DLGAP5: variants seen among roughly 807,000 people sequenced by gnomAD.
DLGAP5 encodes DLG associated protein 5, also known as disks large-associated protein 5.
In DLGAP5, 90 loss-of-function variants were observed where a neutral mutation model predicts 99.6. That is an observed-to-expected ratio of 0.90 (90% confidence interval 0.76 to 1.08). DLGAP5 has a LOEUF of 1.08. Ranked by LOEUF, DLGAP5 falls within the 50% of genes least tolerant of loss-of-function variation. The pLI is 0.00. For synonymous variants in DLGAP5, 311 were observed against 321.3 expected, an observed-to-expected ratio of 0.97 and a Z score of 0.34; for missense variants, 1,036 against 983.5, an observed-to-expected ratio of 1.05 and a Z score of -0.71.
intron 1 of DLGAP5, among the ~76,000 whole-genome samples, chr14:55,190,657 A>C (rs1883582726): frequency 6.6e-6 from 1 of 152,238 alleles, no homozygotes; most frequent in Non-Finnish European, 1.5e-5. Flanking sequence ...AAAAATTGGC[A>C]CAAGTAATGC....
intron 10 of DLGAP5, among the ~76,000 whole-genome samples, chr14:55,171,786 A>G (rs1882868965): frequency 6.6e-6 from 1 of 152,224 alleles, no homozygotes; most frequent in Non-Finnish European, 1.5e-5. Flanking sequence ...ATTCGGCCTT[A>G]AAAAGGAAAG....
At chr14:55,165,278 G>A (rs754711635) in intron 12 of DLGAP5, among the ~76,000 whole-genome samples, 35 of 152,224 alleles carry the variant, frequency 2.3e-4, no homozygotes, top group Non-Finnish European at 4.0e-4. Flanking sequence ...CTAGCATTTT[G>A]GGAGGCTGAG....
chr14:55,153,389 A>G (rs1007851907), intron 15 of DLGAP5, among the ~76,000 whole-genome samples: 1 of 151,946 alleles, frequency 6.6e-6, no homozygotes, highest in Non-Finnish European at 1.5e-5. Context: ...AAAATACAAA[A>G]AATTAGCTGG....
intron 12 of DLGAP5, among the ~76,000 whole-genome samples, chr14:55,164,350 C>A (rs773807954): frequency 4.0e-4 from 61 of 152,078 alleles, no homozygotes; most frequent in Non-Finnish European, 6.9e-4. Flanking sequence ...GAATTACACT[C>A]ATGACCAACT....
chr14:55,164,542 T>C (rs956880322), intron 12 of DLGAP5, among the ~76,000 whole-genome samples: 10 of 151,994 alleles, frequency 6.6e-5, no homozygotes, highest in Admixed American at 6.6e-4. Flanking sequence ...ACCGTAAGAC[T>C]GTTAGGAGAA....
Position 55,189,073 on chromosome 14 carries a change from T to A in DLGAP5, c.107A>T (p.His36Leu), listed in dbSNP as rs1321300603. ...RKSLSQKENR[H>L]KEYERNRHFG... ...GTGTCTATTTCGTTCGTATTCCTTA[T>A]GTCTATTTTCTTTCTGAGACAGTGA... The change falls in exon 2 of 19, where the codon CAT becomes CTT. Residue 36 changes from histidine (H) to leucine (L), a missense_variant. His to Leu is a moderately conservative substitution (Grantham distance 99). Coordinates refer to ENST00000247191, the MANE Select transcript of DLGAP5 (RefSeq NM_014750.5). 6.2e-7 allele frequency: 1 copy of A among 1,614,032 alleles called. No homozygotes were observed. The highest frequency in any genetic ancestry group is 8.5e-7 in the Non-Finnish European group (1 of 1,179,964).
intron 10 of DLGAP5, among the ~76,000 whole-genome samples, chr14:55,172,461 T>C (rs1057324344): frequency 1.1e-5 from 1 of 87,144 alleles, no homozygotes; most frequent in Non-Finnish European, 3.2e-5. Context: ...TAGTACAAAA[T>C]TCTTTATTTT....
intron 6 of DLGAP5, 39 bp from the exon 7 acceptor site, chr14:55,179,738 A>G (rs867943949): frequency 6.6e-7 from 1 of 1,524,412 alleles, no homozygotes; most frequent in Admixed American, 1.8e-5. Context: ...CTAGATAGAA[A>G]TGCTACATGA....
chr14:55,170,875 G>T, intron 10 of DLGAP5, 88 bp from the exon 11 acceptor site: 1 of 920,474 alleles, frequency 1.1e-6, no homozygotes, highest in Non-Finnish European at 1.7e-6. Context: ...CATAACATTA[G>T]GAAGTTATAA....
rs774806926 is a variant in DLGAP5, at chr14:55,183,739, T to G, written c.253A>C (p.Ile85Leu). 67 of 1,593,854 alleles carry G rather than the reference T, an allele frequency of 4.2e-5. 1 individual carries two copies. Among genetic ancestry groups the G allele is most frequent in the Non-Finnish European group, 5.6e-5 (66 of 1,171,790 alleles). ...TNVKPRAMKT[I>L]LGDQRKQMLQ... ...ATCTGTTTTCGTTGATCACCTAGAA[T>G]AGTTTTCATTGCCCCTAGGCAGAAA... is the stretch of plus-strand genomic sequence containing the variant. Residue 85 changes from isoleucine (I) to leucine (L), a missense_variant, in exon 3 of 19, where the codon ATT (isoleucine) becomes CTT (leucine). By Grantham distance (5) the Ile-to-Leu change is conservative. Coordinates refer to ENST00000247191, the MANE Select transcript of DLGAP5 (RefSeq NM_014750.5).
At chr14:55,176,119 G>T (rs1317471360) in intron 8 of DLGAP5, 101 bp from the exon 9 acceptor site, 1 of 1,060,456 alleles carries the variant, frequency 9.4e-7, no homozygotes, top group East Asian at 2.5e-5. Context: ...GGCTAAAATA[G>T]AAATGTTTCT....
intron 15 of DLGAP5, among the ~76,000 whole-genome samples, chr14:55,153,861 T>G (rs1276901293): frequency 6.6e-6 from 1 of 152,096 alleles, no homozygotes; most frequent in East Asian, 1.9e-4. Context: ...ATCAAGACCA[T>G]CCTGGCCAAC....
intron 14 of DLGAP5, among the ~76,000 whole-genome samples, chr14:55,155,814 C>T (rs895579741): frequency 1.4e-4 from 21 of 151,754 alleles, no homozygotes; most frequent in African/African-American, 4.6e-4. Flanking sequence ...ATTGGCCGGG[C>T]GCGGTGGCTC....
chr14:55,188,086 T>A (rs1883488369), intron 2 of DLGAP5, among the ~76,000 whole-genome samples: 1 of 152,216 alleles, frequency 6.6e-6, no homozygotes, highest in Non-Finnish European at 1.5e-5. Flanking sequence ...GAGGACAAGA[T>A]GAGAAAGGAA....
intron 10 of DLGAP5, among the ~76,000 whole-genome samples, chr14:55,172,609 G>A (rs1882899884): frequency 6.6e-6 from 1 of 152,074 alleles, no homozygotes; most frequent in South Asian, 2.1e-4. Context: ...GGGTGACAGA[G>A]TGAGACCCTG....
At chr14:55,169,684 A>G in intron 11 of DLGAP5, 125 bp from the exon 12 acceptor site, 1 of 715,142 alleles carries the variant, frequency 1.4e-6, no homozygotes, top group African/African-American at 1.8e-5. Flanking sequence ...AAAACAAAAA[A>G]TATCTACCAC....
At chr14:55,182,741 G>A (rs1594683381) in intron 3 of DLGAP5, among the ~76,000 whole-genome samples, 2 of 152,054 alleles carry the variant, frequency 1.3e-5, no homozygotes, top group South Asian at 4.1e-4. Context: ...CCTCAGCCTG[G>A]TACCTGGCTT....
intron 2 of DLGAP5, among the ~76,000 whole-genome samples, chr14:55,186,957 C>T (rs1410073336): frequency 2.0e-5 from 3 of 152,180 alleles, no homozygotes; most frequent in African/African-American, 7.2e-5. Context: ...GTTGCCCAGG[C>T]TGGAGTGCAG....
chr14:55,174,804 C>T (rs1432545534), intron 10 of DLGAP5, among the ~76,000 whole-genome samples: 3 of 152,150 alleles, frequency 2.0e-5, no homozygotes, highest in East Asian at 3.9e-4. Flanking sequence ...AATTCTCCTG[C>T]CTTAGCCTCA....
Sources: allele counts gnomAD v4.1 joint callset (sites outside exome capture counted in the v4.1 genomes callset), GRCh38; gene constraint gnomAD v4.1.1; transcripts MANE v1.5; gene names NCBI Gene and HGNC (gene_info 2026-07-23, HGNC 2026-07-21).